MAF: variants seen among roughly 807,000 people sequenced by gnomAD.
MAF encodes MAF bZIP transcription factor, also known as transcription factor Maf.
MAF carries 10 observed loss-of-function variants against 22.0 expected under a neutral mutation model. The ratio of observed to expected loss-of-function variants is 0.45; its 90% CI spans 0.28 to 0.77. The LOEUF (loss-of-function observed/expected upper bound fraction) is 0.77. MAF is among the 30% of genes least tolerant of loss of function. The pLI is 0.12. For synonymous variants in MAF, 337 were observed against 255.8 expected (o/e 1.32, Z -3.03); for missense variants, 544 against 548.4 (o/e 0.99, Z 0.08).
the MAF span, among the ~76,000 whole-genome samples, chr16:79,279,771 C>CT: frequency 2.6e-5 from 4 of 151,788 alleles, no homozygotes; most frequent in South Asian, 2.1e-4. Context: ...GCTGCTGCTT[C>CT]TTTTTTTTTC....
chr16:79,566,439 T>C, the MAF span, among the ~76,000 whole-genome samples: 1 of 152,210 alleles, frequency 6.6e-6, no homozygotes, highest in East Asian at 1.9e-4. Flanking sequence ...AGTGGATCCG[T>C]GCTGAGCTGA....
the MAF span, among the ~76,000 whole-genome samples, chr16:79,443,773 A>T: frequency 6.6e-6 from 1 of 152,228 alleles, no homozygotes; most frequent in East Asian, 1.9e-4. Flanking sequence ...TTTAAGCATC[A>T]GCTTCTCATC....
At chr16:79,218,122 A>G in the MAF span, among the ~76,000 whole-genome samples, 1 of 151,928 alleles carries the variant, frequency 6.6e-6, no homozygotes, top group East Asian at 1.9e-4. Flanking sequence ...GTAATATCAC[A>G]AATTATTATT....
At chr16:79,219,749 C>G in the MAF span, among the ~76,000 whole-genome samples, 1 of 152,070 alleles carries the variant, frequency 6.6e-6, no homozygotes, top group South Asian at 2.1e-4. Context: ...CTGTGATCTC[C>G]TGTACCTCAG....
chr16:79,334,407 C>G, the MAF span, among the ~76,000 whole-genome samples: 1 of 152,258 alleles, frequency 6.6e-6, no homozygotes, highest in South Asian at 2.1e-4. Context: ...TGACAGAAGT[C>G]AGAACAGCGG....
rs1913972581 is a variant in MAF, at chr16:79,600,476, CTTTA to C, written c.-578_-575del. ...CTCGCCTCCTCTTCTGCTTGGCTCTCTTTATTATTTTTTTTCTTTCCTCTCTCTC... is the reference window on the plus strand; with the variant it reads ...CTCGCCTCCTCTTCTGCTTGGCTCTCTTATTTTTTTTCTTTCCTCTCTCTC... On this transcript the variant is annotated 5_prime_UTR_variant, in exon 1 of 2. Coordinates refer to ENST00000326043, the MANE Select transcript of MAF (RefSeq NM_005360.5). 5.1e-6 allele frequency: 1 copy of C among 196,032 alleles called. No homozygotes were observed. Among genetic ancestry groups the C allele is most frequent in the Non-Finnish European group, 1.2e-5 (1 of 85,300 alleles). 12.1% of individuals were successfully genotyped at this position (196,032 alleles called of 1,614,324 possible).
At chr16:79,364,557 C>G in the MAF span, among the ~76,000 whole-genome samples, 6,675 of 152,256 alleles carry the variant, frequency 0.044, 319 homozygotes, top group African/African-American at 0.12. Context: ...CATGGACACA[C>G]ATCAAACATG....
At chr16:79,590,222 G>A (rs1477826630), downstream of MAF, among the ~76,000 whole-genome samples, 1 of 152,126 alleles carries the variant, frequency 6.6e-6, no homozygotes, top group East Asian at 1.9e-4. Flanking sequence ...GGGGATGATG[G>A]GGGGGCATGG....
At chr16:79,575,525 T>G in the MAF span, among the ~76,000 whole-genome samples, 2 of 152,136 alleles carry the variant, frequency 1.3e-5, no homozygotes, top group African/African-American at 4.8e-5. Flanking sequence ...GAATTGGAGC[T>G]TAGAGACTCT....
chr16:79,341,178 A>G, the MAF span, among the ~76,000 whole-genome samples: 1 of 152,330 alleles, frequency 6.6e-6, no homozygotes, highest in African/African-American at 2.4e-5. Flanking sequence ...CTTGTCAACA[A>G]GATAAGGAGT....
the MAF span, among the ~76,000 whole-genome samples, chr16:79,391,594 C>T: frequency 6.6e-6 from 1 of 152,118 alleles, no homozygotes; most frequent in Non-Finnish European, 1.5e-5. Context: ...AGAAGTAGAG[C>T]AAGGAGTGAA....
the MAF span, among the ~76,000 whole-genome samples, chr16:79,432,278 T>C: frequency 6.6e-6 from 1 of 152,134 alleles, no homozygotes; most frequent in Non-Finnish European, 1.5e-5. Context: ...TCCTGAGGCC[T>C]CCCTAGCCAT....
the MAF span, among the ~76,000 whole-genome samples, chr16:79,402,861 G>C: frequency 6.6e-6 from 1 of 152,190 alleles, no homozygotes; most frequent in African/African-American, 2.4e-5. Flanking sequence ...GAGTAGAGGA[G>C]GGAAACGTCT....
the MAF span, among the ~76,000 whole-genome samples, chr16:79,446,381 C>T: frequency 2.0e-5 from 3 of 152,068 alleles, no homozygotes; most frequent in Non-Finnish European, 4.4e-5. Flanking sequence ...GGAGTGTCTG[C>T]GTCTCTGTTT....
chr16:79,258,678 A>G, the MAF span, among the ~76,000 whole-genome samples: 1 of 152,214 alleles, frequency 6.6e-6, no homozygotes, highest in Non-Finnish European at 1.5e-5. Flanking sequence ...TTTAGGGATC[A>G]GGCTCAGCAG....
At chr16:79,354,377 C>G in the MAF span, among the ~76,000 whole-genome samples, 1 of 152,098 alleles carries the variant, frequency 6.6e-6, no homozygotes, top group Admixed American at 6.5e-5. Flanking sequence ...AGGAAGAAAC[C>G]TAGTTCCTGG....
At chr16:79,400,812 G>A in the MAF span, among the ~76,000 whole-genome samples, 1 of 152,152 alleles carries the variant, frequency 6.6e-6, no homozygotes, top group Non-Finnish European at 1.5e-5. Flanking sequence ...TACAGCAGTC[G>A]ACTTTCAACC....
the MAF span, among the ~76,000 whole-genome samples, chr16:79,451,081 T>C: frequency 6.6e-6 from 1 of 152,152 alleles, no homozygotes; most frequent in African/African-American, 2.4e-5. Context: ...ATTGTAATTA[T>C]AGTAGGGCAA....
the MAF span, among the ~76,000 whole-genome samples, chr16:79,255,246 C>G: frequency 6.6e-6 from 1 of 152,216 alleles, no homozygotes; most frequent in Non-Finnish European, 1.5e-5. Flanking sequence ...GAATGGTTAG[C>G]TTTGCCTTTT....
Sources: gnomAD v4.1 joint callset for allele counts (sites outside exome capture counted in the v4.1 genomes callset) on GRCh38, gnomAD v4.1.1 for gene constraint, MANE v1.5 for transcripts, NCBI Gene and HGNC (gene_info 2026-07-23, HGNC 2026-07-21) for gene names.